ROBO1: variants seen among roughly 807,000 people sequenced by gnomAD.
The protein encoded by ROBO1 is roundabout guidance receptor 1.
Under a neutral mutation model 195.9 loss-of-function variants are expected in ROBO1, and 149 were observed. The ratio of observed to expected loss-of-function variants is 0.76; its 90% confidence interval spans 0.67 to 0.87. The LOEUF (loss-of-function observed/expected upper bound fraction) is 0.87. Ranked by LOEUF, ROBO1 falls within the 40% of genes least tolerant of loss-of-function variation. The probability of loss-of-function intolerance (pLI) is 0.00; values close to 1 mark genes in which losing one functional copy is unlikely to be tolerated. For missense variants in ROBO1, 1,933 were observed against 2,068.3 expected (o/e 0.93, Z 1.27); for synonymous variants, 816 against 733.2 (o/e 1.11, Z -1.82).
At chr3:79,536,716 A>G (rs952114176) in intron 2 of ROBO1, among the ~76,000 whole-genome samples, 1 of 152,182 alleles carries the variant, frequency 6.6e-6, no homozygotes, top group Non-Finnish European at 1.5e-5. Context: ...TGCTGCAAAT[A>G]ATGAATCTTT....
Position 79,011,644 on chromosome 3 carries a change from T to A in ROBO1, c.173-72717A>T, listed in dbSNP as rs368483231. On this transcript the variant is annotated intron_variant, in intron 3 of 30. Coordinates refer to ENST00000464233, the MANE Select transcript of ROBO1 (RefSeq NM_002941.4). The stretch of plus-strand genomic sequence containing the variant: ...TAGCAAGTTGGTGTTTTATATATAT[T>A]TTTTTCATAATGTTTTATATATATT... Among the ~76,000 whole-genome samples the A allele has an allele frequency of 1.0e-3, 155 of 149,408 alleles. 1 individual carries two copies. In the East Asian group the frequency reaches 0.027, roughly 26 times the overall value.
intron 21 of ROBO1, among the ~76,000 whole-genome samples, chr3:78,644,554 A>G (rs1249090764): frequency 6.6e-6 from 1 of 152,164 alleles, no homozygotes; most frequent in Non-Finnish European, 1.5e-5. Flanking sequence ...TCTACTTACT[A>G]TTTGAAATAA....
chr3:79,223,950 T>G (rs2082184279), intron 2 of ROBO1, among the ~76,000 whole-genome samples: 1 of 152,164 alleles, frequency 6.6e-6, no homozygotes, highest in Non-Finnish European at 1.5e-5. Context: ...CTGGGAAAAC[T>G]TAAACAAATA....
intron 4 of ROBO1, among the ~76,000 whole-genome samples, chr3:78,797,202 C>T (rs1337832352): frequency 6.6e-6 from 1 of 152,098 alleles, no homozygotes; most frequent in Non-Finnish European, 1.5e-5. Context: ...ATGAGTGTAC[C>T]ATGACACTAA....
chr3:78,669,172 T>C (rs909336312), intron 11 of ROBO1, among the ~76,000 whole-genome samples: 7 of 152,276 alleles, frequency 4.6e-5, no homozygotes, highest in East Asian at 1.9e-4. Context: ...AAGGCAAACA[T>C]AGGTTACATG....
At chr3:79,081,349 G>C (rs1478589054) in intron 3 of ROBO1, among the ~76,000 whole-genome samples, 1 of 152,182 alleles carries the variant, frequency 6.6e-6, no homozygotes, top group East Asian at 1.9e-4. Context: ...CACTCAGATG[G>C]CTGTCAGTGG....
intron 1 of ROBO1, among the ~76,000 whole-genome samples, chr3:79,740,912 T>A (rs993045281): frequency 6.6e-6 from 1 of 152,214 alleles, no homozygotes; most frequent in Non-Finnish European, 1.5e-5. Context: ...GCTAGATAGA[T>A]ATGAAAGGAC....
intron 10 of ROBO1, among the ~76,000 whole-genome samples, chr3:78,675,391 G>A (rs1708351502): frequency 6.6e-6 from 1 of 152,162 alleles, no homozygotes. Flanking sequence ...AGCGCAAGGG[G>A]TCAGGGAGTT....
chr3:79,351,406 T>G (rs116298013), intron 2 of ROBO1, among the ~76,000 whole-genome samples: 1,902 of 152,320 alleles, frequency 0.012, 40 homozygotes, highest in African/African-American at 0.041. Context: ...AGATTTAACT[T>G]GCCTATATAT....
At chr3:79,627,928 T>A (rs1337877952) in intron 1 of ROBO1, among the ~76,000 whole-genome samples, 1 of 151,930 alleles carries the variant, frequency 6.6e-6, no homozygotes, top group African/African-American at 2.4e-5. Flanking sequence ...AAAATGCAAA[T>A]CAAAACCACA....
intron 2 of ROBO1, among the ~76,000 whole-genome samples, chr3:79,502,000 T>A (rs1438088297): frequency 6.6e-6 from 1 of 152,120 alleles, no homozygotes; most frequent in Non-Finnish European, 1.5e-5. Flanking sequence ...CTGTAACATA[T>A]ATCGGTGTAG....
intron 4 of ROBO1, among the ~76,000 whole-genome samples, chr3:78,830,847 C>G (rs2032114227): frequency 6.6e-6 from 1 of 152,100 alleles, no homozygotes; most frequent in Non-Finnish European, 1.5e-5. Context: ...AACTACCACT[C>G]CACAGCTTCT....
chr3:79,705,665 C>T (rs1334338467), intron 1 of ROBO1, among the ~76,000 whole-genome samples: 1 of 151,984 alleles, frequency 6.6e-6, no homozygotes. Context: ...TATGCTAGGT[C>T]CTTTGCCTTT....
At chr3:79,094,913 C>G (rs985911211) in intron 3 of ROBO1, among the ~76,000 whole-genome samples, 2 of 139,770 alleles carry the variant, frequency 1.4e-5, no homozygotes, top group African/African-American at 5.2e-5. Flanking sequence ...CCCTCCCTTC[C>G]CCTCCCTCCC....
chr3:79,756,687 A>C (rs1704424370), intron 1 of ROBO1, among the ~76,000 whole-genome samples: 2 of 152,084 alleles, frequency 1.3e-5, no homozygotes, highest in Admixed American at 1.3e-4. Context: ...TAACCATTTT[A>C]AGTGTTTAAC....
At chr3:78,841,591 G>T (rs1361923507) in intron 4 of ROBO1, among the ~76,000 whole-genome samples, 1 of 152,036 alleles carries the variant, frequency 6.6e-6, no homozygotes, top group African/African-American at 2.4e-5. Context: ...TGGGCATAGG[G>T]AAGGCCTTTC....
At chr3:79,618,409 C>CG (rs1192256033) in intron 1 of ROBO1, among the ~76,000 whole-genome samples, 6 of 152,170 alleles carry the variant, frequency 3.9e-5, no homozygotes, top group Non-Finnish European at 5.9e-5. Flanking sequence ...CCTGCCTGAA[C>CG]TGATGACATT....
intron 2 of ROBO1, among the ~76,000 whole-genome samples, chr3:79,488,667 TC>T (rs1939287080): frequency 6.6e-6 from 1 of 152,182 alleles, no homozygotes. Flanking sequence ...AAAATTGACA[TC>T]TTTTTCACTT....
chr3:78,822,054 TATAATTATAC>T (rs778418056), intron 4 of ROBO1, among the ~76,000 whole-genome samples: 1 of 151,532 alleles, frequency 6.6e-6, no homozygotes, highest in Non-Finnish European at 1.5e-5. Context: ...AAAGCTGATG[TATAATTATAC>T]ATCAGTCTCT....
Sources: gnomAD v4.1 joint callset for allele counts (sites outside exome capture counted in the v4.1 genomes callset) on GRCh38, gnomAD v4.1.1 for gene constraint, MANE v1.5 for transcripts, NCBI Gene and HGNC (gene_info 2026-07-23, HGNC 2026-07-21) for gene names.